FHIT: variants seen among roughly 807,000 people sequenced by gnomAD.
The protein encoded by FHIT is fragile histidine triad diadenosine triphosphatase, also known as bis(5'-adenosyl)-triphosphatase.
FHIT carries 19 observed loss-of-function variants against 17.9 expected under a neutral mutation model. The ratio of observed to expected loss-of-function variants is 1.06; its 90% confidence interval spans 0.74 to 1.56. The LOEUF is 1.56. Ranked by LOEUF, FHIT falls within the 40% of genes most tolerant of loss-of-function variation. The pLI is 0.00. For synonymous variants in FHIT, 81 were observed against 69.7 expected, an observed-to-expected ratio of 1.16 and a Z score of -0.81; for missense variants, 248 against 189.2, an observed-to-expected ratio of 1.31 and a Z score of -1.82.
intron 5 of FHIT, among the ~76,000 whole-genome samples, chr3:60,187,716 A>G (rs1283078214): frequency 1.3e-5 from 2 of 152,190 alleles, no homozygotes; most frequent in Admixed American, 1.3e-4. Context: ...TCTATTAAGA[A>G]TAATGCACTC....
At chr3:61,204,829 T>G (rs1374433098) in intron 1 of FHIT, among the ~76,000 whole-genome samples, 1 of 151,924 alleles carries the variant, frequency 6.6e-6, no homozygotes, top group East Asian at 1.9e-4. Flanking sequence ...TTTTAAAATT[T>G]TATTATTATT....
intron 2 of FHIT, among the ~76,000 whole-genome samples, chr3:61,078,212 C>T (rs2106765673): frequency 6.6e-6 from 1 of 152,266 alleles, no homozygotes; most frequent in South Asian, 2.1e-4. Context: ...CCAGGTTATG[C>T]TTTCCAGCTA....
intron 8 of FHIT, among the ~76,000 whole-genome samples, chr3:59,792,863 C>T: frequency 7.9e-6 from 1 of 126,396 alleles, no homozygotes; most frequent in African/African-American, 3.9e-5. Context: ...TTTGGAGGTC[C>T]TTATTTTTTG....
Position 60,013,995 on chromosome 3 carries a change from C to G in FHIT, c.249+12G>C. 8.7e-6 allele frequency: 14 copies of G among 1,613,352 alleles called. No homozygotes were observed. The highest frequency in any genetic ancestry group is 1.1e-5 in the Non-Finnish European group (13 of 1,179,500). On this transcript the variant is annotated intron_variant, in intron 6 of 9. Coordinates refer to ENST00000492590, the MANE Select transcript of FHIT (RefSeq NM_002012.4). ...GGAAGAAAAATCATTTCTGAGAAAT[C>G]TGTACACTCACCTGCATGGAAAAGG...
intron 2 of FHIT, among the ~76,000 whole-genome samples, chr3:61,048,479 C>T (rs1408619853): frequency 6.6e-6 from 1 of 152,174 alleles, no homozygotes; most frequent in Non-Finnish European, 1.5e-5. Flanking sequence ...CAGGAAACAA[C>T]AGGTGCTGGA....
At position 60,785,792 on chromosome 3, in the gene FHIT, A is replaced by G. The variant is rs546137413; in HGVS notation, c.-18+36127T>C. ...AACCAACCATATTCTTAGTAAGAAGATGGGTGCTGTAGGAGACAGAGAATT... is the reference window on the plus strand; with the variant it reads ...AACCAACCATATTCTTAGTAAGAAGGTGGGTGCTGTAGGAGACAGAGAATT... On this transcript the variant is annotated intron_variant, in intron 4 of 9. Coordinates refer to ENST00000492590, the MANE Select transcript of FHIT (RefSeq NM_002012.4). Among the ~76,000 whole-genome samples the G allele has an allele frequency of 2.0e-5, 3 of 152,210 alleles. 1 individual carries two copies. The highest frequency in any genetic ancestry group is 2.0e-4 in the Admixed American group (3 of 15,282).
chr3:60,916,314 C>T (rs1706998411), intron 3 of FHIT, among the ~76,000 whole-genome samples: 1 of 152,142 alleles, frequency 6.6e-6, no homozygotes. Flanking sequence ...TATATGCATT[C>T]TATTTTGATA....
intron 2 of FHIT, among the ~76,000 whole-genome samples, chr3:61,194,574 T>G (rs2038803793): frequency 6.6e-6 from 1 of 152,220 alleles, no homozygotes; most frequent in Admixed American, 6.5e-5. Flanking sequence ...CAAACGGCTT[T>G]TATCCTAATA....
At position 60,150,145 on chromosome 3, in the gene FHIT, C is replaced by T. The variant is rs999339484; in HGVS notation, c.104-135993G>A. Among the ~76,000 whole-genome samples, 10 of 140,816 alleles carry T rather than the reference C, an allele frequency of 7.1e-5. No homozygotes were observed. The East Asian group carries it at 1.3e-3, about 18-fold the overall frequency. 92.4% of individuals were successfully genotyped at this position (140,816 alleles called of 152,430 possible). On this transcript the variant is annotated intron_variant, in intron 5 of 9. Transcript: ENST00000492590. ...CTGAGTAGCTAGGATTACAGGCATG[C>T]GCCCCCCACGCCCGGCTCATTTTGT...
intron 8 of FHIT, among the ~76,000 whole-genome samples, chr3:59,856,321 A>T (rs1449254056): frequency 4.6e-5 from 7 of 152,044 alleles, no homozygotes; most frequent in Admixed American, 4.6e-4. Context: ...AATTGTTAAA[A>T]TTTTTTTTGC....
intron 7 of FHIT, among the ~76,000 whole-genome samples, chr3:59,941,015 A>G (rs755660848): frequency 6.6e-6 from 1 of 152,178 alleles, no homozygotes; most frequent in Admixed American, 6.5e-5. Flanking sequence ...TGATCCCAGC[A>G]TCTGTGACTA....
At chr3:60,057,331 G>C (rs1214437361) in intron 5 of FHIT, among the ~76,000 whole-genome samples, 1 of 152,146 alleles carries the variant, frequency 6.6e-6, no homozygotes, top group Non-Finnish European at 1.5e-5. Context: ...TGTGAACCCT[G>C]CCTGGTCTGT....
At chr3:60,373,637 A>G (rs920040535) in intron 5 of FHIT, among the ~76,000 whole-genome samples, 1 of 152,202 alleles carries the variant, frequency 6.6e-6, no homozygotes, top group Admixed American at 6.5e-5. Flanking sequence ...TCTTGGTGGT[A>G]GTAGGGAGAC....
intron 5 of FHIT, among the ~76,000 whole-genome samples, chr3:60,068,116 A>T (rs1229909802): frequency 1.3e-5 from 2 of 152,018 alleles, no homozygotes; most frequent in African/African-American, 4.8e-5. Flanking sequence ...CACACCTGTA[A>T]CCCCAGCTAC....
intron 3 of FHIT, among the ~76,000 whole-genome samples, chr3:60,831,923 T>G (rs553095685): frequency 6.6e-6 from 1 of 152,070 alleles, no homozygotes; most frequent in African/African-American, 2.4e-5. Flanking sequence ...GATTGTATAA[T>G]GGAAAAAAAT....
Position 61,013,963 on chromosome 3 carries a change from C to T in FHIT, c.-111+28084G>A, listed in dbSNP as rs551999517. On this transcript the variant is annotated intron_variant, in intron 3 of 9. Transcript: ENST00000492590. ...TTTCCATGGACCTCAGTTTTCTTAT[C>T]TGTAAAATAAGAAAGTTGATTTAAA... is the stretch of plus-strand genomic sequence containing the variant. Among the ~76,000 whole-genome samples the T allele has an allele frequency of 7.9e-5, 12 of 152,202 alleles. No individual in the cohort carries two copies. In the East Asian group the frequency reaches 2.3e-3, roughly 29 times the overall value.
intron 3 of FHIT, among the ~76,000 whole-genome samples, chr3:60,911,872 C>T (rs1706761607): frequency 2.6e-5 from 4 of 152,048 alleles, no homozygotes; most frequent in Admixed American, 2.6e-4. Flanking sequence ...ACAATGAAAA[C>T]AAGAAACTAT....
At chr3:60,364,283 T>C (rs1372399119) in intron 5 of FHIT, among the ~76,000 whole-genome samples, 1 of 152,204 alleles carries the variant, frequency 6.6e-6, no homozygotes, top group Admixed American at 6.5e-5. Context: ...CTTCACCACT[T>C]TTTCTGCTGG....
chr3:60,661,204 C>G (rs1225028967), intron 4 of FHIT, among the ~76,000 whole-genome samples: 1 of 152,120 alleles, frequency 6.6e-6, no homozygotes, highest in Non-Finnish European at 1.5e-5. Context: ...TCCTTCACCT[C>G]CCTCCTCCCT....
Sources: allele counts gnomAD v4.1 joint callset (sites outside exome capture counted in the v4.1 genomes callset), GRCh38; gene constraint gnomAD v4.1.1; transcripts MANE v1.5; gene names NCBI Gene and HGNC (gene_info 2026-07-23, HGNC 2026-07-21).